The following RABL2B variants were observed in gnomAD, a reference collection of about 807,000 sequenced individuals.
The protein encoded by RABL2B is rab-like protein 2B.
In RABL2B, 17 loss-of-function variants were observed where a neutral mutation model predicts 26.7. The observed-to-expected ratio is 0.64, with a 90% CI of 0.44 to 0.95. RABL2B has a LOEUF of 0.95. RABL2B is among the 40% of genes least tolerant of loss of function. The pLI, the probability that RABL2B is intolerant of heterozygous loss-of-function variation, is 0.00. For synonymous variants in RABL2B, 70 were observed against 103.9 expected (o/e 0.67, Z 1.99); for missense variants, 170 against 277.2 (o/e 0.61, Z 2.75).
chr22:50,775,043 T>C (rs1377979203), intron 5 of RABL2B, among the ~76,000 whole-genome samples: 1 of 152,214 alleles, frequency 6.6e-6, no homozygotes, highest in African/African-American at 2.4e-5. Context: ...CCTCCCAAAG[T>C]GCTGGGATTA....
Position 50,777,993 on chromosome 22 carries a change from A to T in RABL2B, c.108-12T>A. On this transcript the variant is annotated splice_polypyrimidine_tract_variant and intron_variant, in intron 2 of 8. Transcript: ENST00000691320. ...ATCTCTCCATGAGTCTGTAAGCAGA[A>T]CAGGCAAGGTGGTCAGATGGCGTCT... is the stretch of plus-strand genomic sequence containing the variant. 3.1e-6 allele frequency: 5 copies of T among 1,614,140 alleles called. No homozygotes were observed. Among genetic ancestry groups the T allele is most frequent in the Non-Finnish European group, 4.2e-6 (5 of 1,180,010 alleles).
chr22:50,772,678 T>C (rs9628250), intron 5 of RABL2B: 271,260 of 1,040,180 alleles, frequency 0.26, 36,138 homozygotes, highest in Non-Finnish European at 0.27. Context: ...TCTATGTAGA[T>C]TCTCTTTCAC....
intron 5 of RABL2B, among the ~76,000 whole-genome samples, chr22:50,773,833 A>C (rs532644757): frequency 6.6e-6 from 1 of 151,964 alleles, no homozygotes; most frequent in Admixed American, 6.5e-5. Context: ...ATTTACAGAC[A>C]ATCACTAAGT....
chr22:50,767,830 T>C lies in RABL2B; in HGVS notation c.*946A>G. On this transcript the variant is annotated 3_prime_UTR_variant, in exon 9 of 9. Coordinates refer to ENST00000691320, the MANE Select transcript of RABL2B (RefSeq NM_001130919.3). Reference sequence around the variant, plus strand: ...GGACTCGATTTTACGGCTTGTGTATTCCTAACTATAGCTAGGCCTGTCACC... The same window carrying C: ...GGACTCGATTTTACGGCTTGTGTATCCCTAACTATAGCTAGGCCTGTCACC... 1 of 442,724 alleles carries C rather than the reference T, an allele frequency of 2.3e-6. No homozygotes were observed. The highest frequency in any genetic ancestry group is 4.5e-6 in the Non-Finnish European group (1 of 222,252). 27.4% of individuals were successfully genotyped at this position (442,724 alleles called of 1,614,324 possible). A position where few individuals can be genotyped will look rare whatever the true frequency, so the allele number is the denominator to read the frequency against.
Position 50,769,970 on chromosome 22 carries a change from C to G in RABL2B, c.344G>C (p.Trp115Ser). 6.2e-7 allele frequency: 1 copy of G among 1,613,764 alleles called. No individual in the cohort carries two copies. Among genetic ancestry groups the G allele is most frequent in the Non-Finnish European group, 8.5e-7 (1 of 1,179,824 alleles). The change falls in exon 6 of 9, where the codon TGG becomes TCG. Residue 115 changes from tryptophan to serine, a missense_variant. By Grantham distance (177) the Trp-to-Ser change is radical. This residue lies in a region of RABL2B where 165 missense variants were observed against 232.0 expected (regional missense o/e 0.71). Transcript: ENST00000691320. Reference sequence around the variant, plus strand: ...CCTGAACTCCCGAAGCTCTGTATACCAGGTGCTCAGGTTCCTATAGGTGAC... The same window carrying G: ...CCTGAACTCCCGAAGCTCTGTATACGAGGTGCTCAGGTTCCTATAGGTGAC... ...RKVTYRNLST[W>S]YTELREFRPE...
chr22:50,781,277 G>A (rs2085804946), intron 2 of RABL2B, among the ~76,000 whole-genome samples: 1 of 150,972 alleles, frequency 6.6e-6, no homozygotes, highest in South Asian at 2.1e-4. Context: ...CCGGGAGGCG[G>A]AGCTTGCAGT....
intron 5 of RABL2B, among the ~76,000 whole-genome samples, chr22:50,773,439 G>T (rs1484550291): frequency 1.3e-5 from 2 of 152,128 alleles, no homozygotes; most frequent in African/African-American, 4.8e-5. Context: ...CAGTCAGTCA[G>T]TTCCTGGGGG....
At position 50,769,467 on chromosome 22, in the gene RABL2B, G is replaced by T; in HGVS notation, c.495C>A (p.Thr165=). The T allele has an allele frequency of 6.2e-7, 1 of 1,612,026 alleles. No homozygotes were observed. Among genetic ancestry groups the T allele is most frequent in the Non-Finnish European group, 8.5e-7 (1 of 1,179,272 alleles). The change falls in exon 7 of 9, where the codon ACC becomes ACA. Residue 165 remains threonine (T), a synonymous_variant. Transcript: ENST00000691320. ...CAGTCAACCACACCTTCACAACATT[G>T]GTACCATCAGCAGCCGAGACGAAAT... ...PLYFVSAADG[T]NVVKLFNDAI...
chr22:50,767,992 T>C lies in RABL2B; in HGVS notation c.*784A>G, dbSNP rs1257178869. On this transcript the variant is annotated 3_prime_UTR_variant, in exon 9 of 9. Transcript: ENST00000691320. ...GATTGGGGCCGGGCGCGGTGGCTCA[T>C]GCCTGTAATCCCAGCACTTTGGGAG... 1.6e-5 allele frequency: 5 copies of C among 308,918 alleles called. No individual in the cohort carries two copies. The highest frequency in any genetic ancestry group is 4.9e-5 in the Admixed American group (1 of 20,330). The allele number at this position is 308,918 out of a possible 1,614,324, so 19.1% of individuals were successfully genotyped here.
rs1555923294 is a variant in RABL2B, at chr22:50,775,825, G to A, written c.244C>T (p.Arg82Trp). 2 of 1,614,184 alleles carry A rather than the reference G, an allele frequency of 1.2e-6. No individual in the cohort carries two copies. The highest frequency in any genetic ancestry group is 2.2e-5 in the East Asian group (1 of 44,888). The change falls in exon 5 of 9, where the codon CGG becomes TGG. Residue 82 changes from arginine to tryptophan, a missense_variant. Physicochemically the swap from Arg to Trp is moderately radical, Grantham distance 101 (BLOSUM62 -3). Around this residue, in one of 2 missense-constraint regions of RABL2B, gnomAD observed 165 missense variants for 232.0 expected, o/e 0.71. Transcript: ENST00000691320. ...TAGGAGGCATGCATGCTCTGGAACC[G>A]CTCCTGGCCTGCCGTGTCCCAAAAG... ...VDFWDTAGQE[R>W]FQSMHASYYH...
intron 2 of RABL2B, among the ~76,000 whole-genome samples, chr22:50,779,349 C>T (rs1156968682): frequency 6.8e-6 from 1 of 148,078 alleles, no homozygotes; most frequent in Non-Finnish European, 1.5e-5. Flanking sequence ...GTCACTGTCA[C>T]ATACGCAGAT....
intron 5 of RABL2B, among the ~76,000 whole-genome samples, chr22:50,773,557 G>C (rs1555920659): frequency 6.6e-6 from 1 of 151,526 alleles, no homozygotes; most frequent in Non-Finnish European, 1.5e-5. Flanking sequence ...ACACGAAAGA[G>C]CTAAGCTAAT....
At chr22:50,772,278 C>T in intron 5 of RABL2B, 1 of 976,050 alleles carries the variant, frequency 1.0e-6, no homozygotes, top group Non-Finnish European at 1.2e-6. Context: ...ATCTGCCCGC[C>T]TAGGCCTCCC....
Position 50,775,783 on chromosome 22 carries a change from C to T in RABL2B, c.286G>A (p.Ala96Thr), listed in dbSNP as rs144077116. ...MHASYYHKAHACIMVFDVQRK... is the reference protein window; with the variant it reads ...MHASYYHKAHTCIMVFDVQRK... ...CCACCGTCTCGTACCATGATGCAGG[C>T]GTGGGCCTTGTGGTAGTAGGAGGCA... is the stretch of plus-strand genomic sequence containing the variant. Residue 96 changes from alanine (A) to threonine (T), a missense_variant, in exon 5 of 9, where the codon GCC becomes ACC. Physicochemically the swap from Ala to Thr is moderately conservative, Grantham distance 58. This residue lies in a region of RABL2B where 165 missense variants were observed against 232.0 expected (regional missense o/e 0.71). Transcript: ENST00000691320. 36 of 1,614,160 alleles carry T rather than the reference C, an allele frequency of 2.2e-5. No individual in the cohort carries two copies. The highest frequency in any genetic ancestry group is 2.1e-4 in the South Asian group (19 of 91,086).
intron 2 of RABL2B, chr22:50,780,851 T>G (rs193233513): frequency 2.5e-6 from 1 of 393,054 alleles, no homozygotes; most frequent in African/African-American, 2.1e-5. Flanking sequence ...CCAAGATACA[T>G]TCTCCGAAAG....
intron 7 of RABL2B, 155 bp downstream of exon 7, chr22:50,769,300 A>T: frequency 2.0e-6 from 3 of 1,476,740 alleles, no homozygotes; most frequent in Non-Finnish European, 2.8e-6. Flanking sequence ...CTGCCTCATC[A>T]AGTCCAGGCC....
At chr22:50,774,060 A>C (rs1398541555) in intron 5 of RABL2B, among the ~76,000 whole-genome samples, 4 of 152,038 alleles carry the variant, frequency 2.6e-5, no homozygotes, top group African/African-American at 9.6e-5. Context: ...ACGCCCGGCT[A>C]ATTTTTTTGT....
chr22:50,771,350 C>T (rs1356137835), intron 5 of RABL2B: 2 of 148,766 alleles, frequency 1.3e-5, no homozygotes, highest in East Asian at 4.0e-4. Context: ...GGCTCACTGC[C>T]ACTGCAACCT....
intron 2 of RABL2B, among the ~76,000 whole-genome samples, chr22:50,780,408 T>C (rs1422518362): frequency 3.3e-5 from 5 of 150,296 alleles, no homozygotes; most frequent in Non-Finnish European, 5.9e-5. Context: ...TTTTTTTTTT[T>C]TTTTTTTTTT....
Sources: gnomAD v4.1 joint callset for allele counts (sites outside exome capture counted in the v4.1 genomes callset) on GRCh38, gnomAD v4.1.1 for gene constraint, gnomAD v4.1.1 regional missense constraint, MANE v1.5 for transcripts, NCBI Gene and HGNC (gene_info 2026-07-23, HGNC 2026-07-21) for gene names.